FRMD4A: variants seen among roughly 807,000 people sequenced by gnomAD.
FRMD4A encodes the protein FERM domain-containing protein 4A.
FRMD4A carries 29 observed loss-of-function variants against 129.1 expected under a neutral mutation model. The ratio of observed to expected loss-of-function variants is 0.22; its 90% CI spans 0.17 to 0.31. FRMD4A has a LOEUF of 0.31. FRMD4A is among the 10% of genes least tolerant of loss of function. The probability of loss-of-function intolerance (pLI) is 1.00; values close to 1 mark genes in which losing one functional copy is unlikely to be tolerated. For missense variants in FRMD4A, 1,272 were observed against 1,375.8 expected, an observed-to-expected ratio of 0.92 and a Z score of 1.19; for synonymous variants, 634 against 571.6, an observed-to-expected ratio of 1.11 and a Z score of -1.56.
intron 2 of FRMD4A, among the ~76,000 whole-genome samples, chr10:14,217,732 C>G (rs1364194437): frequency 7.9e-5 from 12 of 152,142 alleles, no homozygotes; most frequent in African/African-American, 2.9e-4. Flanking sequence ...TCTCTGTCCA[C>G]TTATAGAGAA....
intron 2 of FRMD4A, among the ~76,000 whole-genome samples, chr10:14,033,082 G>A (rs538497262): frequency 1.4e-4 from 21 of 152,134 alleles, no homozygotes; most frequent in Non-Finnish European, 2.5e-4. Flanking sequence ...TGAGGTGGGC[G>A]GATCACCTGA....
intron 2 of FRMD4A, among the ~76,000 whole-genome samples, chr10:13,904,381 C>G (rs183823781): frequency 6.6e-6 from 1 of 152,206 alleles, no homozygotes; most frequent in Non-Finnish European, 1.5e-5. Context: ...TCCGCTCAGA[C>G]GCCTCATTCC....
rs1395545865 is a variant in FRMD4A at position 14,155,895 on chromosome 10, C to G, written c.45+174163G>C. ...CATCATCCTTAATTATACATAGATA[C>G]AAATGCTACATAACACAGTGAAGAT... On this transcript the variant is annotated intron_variant, in intron 2 of 24. Transcript: ENST00000357447. Among the ~76,000 whole-genome samples the G allele has an allele frequency of 1.3e-5, 2 of 152,228 alleles. 1 individual carries two copies. The highest frequency in any genetic ancestry group is 6.8e-3 in the Middle Eastern group (2 of 294).
chr10:14,057,317 T>C (rs190739955), intron 2 of FRMD4A, among the ~76,000 whole-genome samples: 7 of 151,640 alleles, frequency 4.6e-5, no homozygotes, highest in East Asian at 1.9e-4. Flanking sequence ...AAAGAGAGAC[T>C]TCCCCCCCAT....
At chr10:14,116,698 A>G (rs1415851618) in intron 2 of FRMD4A, among the ~76,000 whole-genome samples, 1 of 152,200 alleles carries the variant, frequency 6.6e-6, no homozygotes, top group African/African-American at 2.4e-5. Context: ...CATGTTATAA[A>G]AATACTTGCC....
intron 6 of FRMD4A, among the ~76,000 whole-genome samples, chr10:13,768,655 G>C (rs187008120): frequency 6.6e-6 from 1 of 152,158 alleles, no homozygotes; most frequent in Admixed American, 6.5e-5. Flanking sequence ...AGATAATAGT[G>C]GCATGCCATT....
At position 13,792,167 on chromosome 10, in the gene FRMD4A, C is replaced by A. The variant is rs539855177; in HGVS notation, c.299+4329G>T. ...TTGGGTAGTGCTGGAACCAGGCTGG[C>A]AGGCCTGGCGGTGGCTCTGTCACTC... On this transcript the variant is annotated intron_variant, in intron 5 of 24. Transcript: ENST00000357447. 8.5e-5 allele frequency among the ~76,000 whole-genome samples: 13 copies of A among 152,294 alleles called. 1 individual carries two copies. In the South Asian group the frequency reaches 2.7e-3, roughly 32 times the overall value.
At chr10:13,693,377 A>C in intron 15 of FRMD4A, 1 of 366,754 alleles carries the variant, frequency 2.7e-6, no homozygotes, top group Non-Finnish European at 4.2e-6. Flanking sequence ...GGACGACGGA[A>C]CCAGATCTCT....
intron 9 of FRMD4A, among the ~76,000 whole-genome samples, chr10:13,746,213 TTTTG>T (rs1170825949): frequency 5.9e-5 from 9 of 151,804 alleles, no homozygotes; most frequent in Non-Finnish European, 5.9e-5. Context: ...AGAGTTGTTT[TTTTG>T]TTTGTTTGTT....
intron 2 of FRMD4A, among the ~76,000 whole-genome samples, chr10:14,087,104 G>A (rs1836326639): frequency 6.6e-6 from 1 of 151,946 alleles, no homozygotes; most frequent in African/African-American, 2.4e-5. Context: ...TACCCTGGTT[G>A]CGGGGGGTGG....
chr10:13,892,299 C>G (rs1266102477), intron 2 of FRMD4A, among the ~76,000 whole-genome samples: 1 of 152,134 alleles, frequency 6.6e-6, no homozygotes, highest in Admixed American at 6.5e-5. Context: ...TCTTACCCCT[C>G]GATCTAGTCC....
At chr10:13,794,391 CAA>C (rs5783349) in intron 5 of FRMD4A, among the ~76,000 whole-genome samples, 1,053 of 102,918 alleles carry the variant, frequency 0.01, 7 homozygotes, top group Admixed American at 0.026. Flanking sequence ...GAATCCGTCT[CAA>C]AAAAAAAAAA....
intron 2 of FRMD4A, among the ~76,000 whole-genome samples, chr10:13,935,273 A>T (rs984099449): frequency 7.2e-5 from 11 of 151,904 alleles, no homozygotes; most frequent in African/African-American, 2.7e-4. Context: ...CCCTGTCTCT[A>T]CTAAAAATAC....
intron 2 of FRMD4A, among the ~76,000 whole-genome samples, chr10:13,910,268 T>A (rs1040788677): frequency 3.9e-5 from 6 of 152,222 alleles, no homozygotes; most frequent in Admixed American, 3.9e-4. Flanking sequence ...CTAGCTGCCA[T>A]GTGAACAAGC....
At chr10:14,261,496 A>C (rs1844800069) in intron 2 of FRMD4A, among the ~76,000 whole-genome samples, 1 of 152,164 alleles carries the variant, frequency 6.6e-6, no homozygotes, top group African/African-American at 2.4e-5. Context: ...GACTCAAATT[A>C]AAGCTGCCAC....
chr10:14,087,451 T>C (rs536475680), intron 2 of FRMD4A: 1 of 151,828 alleles, frequency 6.6e-6, no homozygotes, highest in African/African-American at 2.4e-5. Context: ...CTTTGTATAT[T>C]TTCTGGCACA....
At chr10:14,279,009 T>G (rs1348133558) in intron 2 of FRMD4A, among the ~76,000 whole-genome samples, 1 of 152,106 alleles carries the variant, frequency 6.6e-6, no homozygotes, top group Non-Finnish European at 1.5e-5. Context: ...GGACACTGCT[T>G]TTCTCTAATG....
intron 15 of FRMD4A, among the ~76,000 whole-genome samples, chr10:13,688,460 G>A (rs905929755): frequency 1.3e-5 from 2 of 152,028 alleles, no homozygotes; most frequent in East Asian, 3.9e-4. Flanking sequence ...CGAGTTAATC[G>A]GTGCAGCACA....
At chr10:13,783,315 T>C (rs531194861) in intron 5 of FRMD4A, among the ~76,000 whole-genome samples, 3 of 152,390 alleles carry the variant, frequency 2.0e-5, no homozygotes, top group African/African-American at 7.2e-5. Flanking sequence ...TTTATAATTT[T>C]ACATAATGTT....
Sources: allele counts gnomAD v4.1 joint callset (sites outside exome capture counted in the v4.1 genomes callset), GRCh38; gene constraint gnomAD v4.1.1; transcripts MANE v1.5; gene names NCBI Gene and HGNC (gene_info 2026-07-23, HGNC 2026-07-21).